RAB2A: variants seen among roughly 807,000 people sequenced by gnomAD.
RAB2A encodes the protein ras-related protein Rab-2A.
A neutral mutation model predicts 32.5 loss-of-function variants in RAB2A; 7 were observed. The ratio of observed to expected loss-of-function variants is 0.22; its 90% CI spans 0.12 to 0.40. The LOEUF is 0.40. RAB2A is among the 10% of genes least tolerant of loss of function. RAB2A has a pLI of 1.00. For synonymous variants in RAB2A, 79 were observed against 85.2 expected (o/e 0.93, Z 0.40); for missense variants, 108 against 260.7 (o/e 0.41, Z 4.03).
At chr8:60,537,316 G>A (rs902691290) in intron 1 of RAB2A, among the ~76,000 whole-genome samples, 1 of 150,830 alleles carries the variant, frequency 6.6e-6, no homozygotes, top group Non-Finnish European at 1.5e-5. Context: ...CTGCCTCCCG[G>A]GTTCAAGTGA....
intron 1 of RAB2A, among the ~76,000 whole-genome samples, chr8:60,557,435 G>A (rs1249689615): frequency 1.3e-5 from 2 of 152,138 alleles, no homozygotes; most frequent in African/African-American, 4.8e-5. Context: ...AGAATTGCTT[G>A]AACCTGGGAG....
At chr8:60,585,734 G>A (rs1235998939) in intron 5 of RAB2A, among the ~76,000 whole-genome samples, 2 of 152,150 alleles carry the variant, frequency 1.3e-5, no homozygotes, top group African/African-American at 4.8e-5. Flanking sequence ...TAATTAACAA[G>A]ATAAGGAAAC....
chr8:60,587,583 T>G (rs1563478976), intron 5 of RAB2A, among the ~76,000 whole-genome samples: 2 of 152,188 alleles, frequency 1.3e-5, no homozygotes, highest in African/African-American at 4.8e-5. Flanking sequence ...CGTGACATGG[T>G]TAATGATGAT....
chr8:60,535,961 C>A (rs1461228118), intron 1 of RAB2A, among the ~76,000 whole-genome samples: 1 of 152,172 alleles, frequency 6.6e-6, no homozygotes, highest in East Asian at 1.9e-4. Flanking sequence ...TGCTCTGATG[C>A]TAGGTAGCCA....
intron 1 of RAB2A, among the ~76,000 whole-genome samples, chr8:60,520,406 G>A (rs997516326): frequency 2.0e-5 from 3 of 152,136 alleles, no homozygotes; most frequent in African/African-American, 7.2e-5. Context: ...TATCAAGCAT[G>A]GAGAGAAAAA....
In RAB2A at chr8:60,584,508, T is replaced by C. The variant is rs975222187; in HGVS notation, c.270-215T>C. On this transcript the variant is annotated intron_variant, in intron 4 of 7. Transcript: ENST00000262646. ...CTTCAAATTGAAATCGGCCATATTATTTATTCATTGGAATTTTCTAAAGTG... is the reference window on the plus strand; with the variant it reads ...CTTCAAATTGAAATCGGCCATATTACTTATTCATTGGAATTTTCTAAAGTG... Among the ~76,000 whole-genome samples, 4 of 152,234 alleles carry C rather than the reference T, an allele frequency of 2.6e-5. No individual in the cohort carries two copies. In the East Asian group the frequency reaches 7.7e-4, roughly 29 times the overall value.
chr8:60,540,231 T>C (rs1363133079), intron 1 of RAB2A, among the ~76,000 whole-genome samples: 2 of 150,902 alleles, frequency 1.3e-5, no homozygotes, highest in African/African-American at 4.9e-5. Context: ...CAGTCATACG[T>C]AGAATAGATT....
At chr8:60,525,983 A>C (rs1807373896) in intron 1 of RAB2A, among the ~76,000 whole-genome samples, 1 of 144,406 alleles carries the variant, frequency 6.9e-6, no homozygotes, top group African/African-American at 2.5e-5. Flanking sequence ...ATATGTCTAT[A>C]TGTATATATG....
At chr8:60,594,376 A>G in intron 6 of RAB2A, among the ~76,000 whole-genome samples, 1 of 152,232 alleles carries the variant, frequency 6.6e-6, no homozygotes. Context: ...TCTTGAAAGC[A>G]GCAAAAAATA....
intron 6 of RAB2A, among the ~76,000 whole-genome samples, chr8:60,595,607 T>C (rs966997354): frequency 3.3e-5 from 5 of 152,222 alleles, no homozygotes; most frequent in Middle Eastern, 3.4e-3. Context: ...TAATATCACA[T>C]AAACTTAAGG....
intron 2 of RAB2A, among the ~76,000 whole-genome samples, chr8:60,561,355 C>T (rs191184195): frequency 3.2e-4 from 49 of 152,166 alleles, no homozygotes; most frequent in Non-Finnish European, 5.1e-4. Context: ...AAAAATTTAC[C>T]TAGATGGTTT....
chr8:60,543,751 C>T (rs756708104), intron 1 of RAB2A, among the ~76,000 whole-genome samples: 11 of 152,092 alleles, frequency 7.2e-5, no homozygotes, highest in Non-Finnish European at 1.5e-5. Flanking sequence ...ATTCCGAAAT[C>T]GTTCTATTTA....
At chr8:60,582,775 T>G (rs554467884) in intron 3 of RAB2A, among the ~76,000 whole-genome samples, 1 of 152,242 alleles carries the variant, frequency 6.6e-6, no homozygotes, top group African/African-American at 2.4e-5. Context: ...GTGTGAAAAA[T>G]CAGACCTTGG....
intron 1 of RAB2A, among the ~76,000 whole-genome samples, chr8:60,523,942 G>A (rs1351606286): frequency 1.3e-5 from 2 of 151,796 alleles, no homozygotes; most frequent in African/African-American, 2.4e-5. Context: ...CGCCTGCCTC[G>A]GCCTCCAAAT....
chr8:60,534,985 G>A (rs1291174038), intron 1 of RAB2A, among the ~76,000 whole-genome samples: 3 of 151,688 alleles, frequency 2.0e-5, no homozygotes, highest in Non-Finnish European at 2.9e-5. Context: ...TGGAGAATTT[G>A]TAGGAGAAAT....
chr8:60,555,780 A>G (rs1328847586), intron 1 of RAB2A, among the ~76,000 whole-genome samples: 1 of 152,228 alleles, frequency 6.6e-6, no homozygotes. Flanking sequence ...AGTCACTAAG[A>G]GAAACAATAT....
At chr8:60,574,477 G>A (rs935551854) in intron 3 of RAB2A, among the ~76,000 whole-genome samples, 5 of 152,190 alleles carry the variant, frequency 3.3e-5, no homozygotes, top group Admixed American at 6.6e-5. Flanking sequence ...ATCTACTAAA[G>A]TACATCGTTT....
chr8:60,609,078 C>T (rs1245401449), intron 6 of RAB2A, among the ~76,000 whole-genome samples: 2 of 152,096 alleles, frequency 1.3e-5, no homozygotes, highest in Admixed American at 1.3e-4. Flanking sequence ...CAGTGGTTCC[C>T]CACAGCTTCA....
intron 2 of RAB2A, among the ~76,000 whole-genome samples, chr8:60,562,333 C>A (rs1356897896): frequency 6.6e-6 from 1 of 152,150 alleles, no homozygotes; most frequent in Non-Finnish European, 1.5e-5. Flanking sequence ...AGGATTAGTC[C>A]TCCTAAAAAG....
Sources: allele counts gnomAD v4.1 joint callset (sites outside exome capture counted in the v4.1 genomes callset), GRCh38; gene constraint gnomAD v4.1.1; transcripts MANE v1.5; gene names NCBI Gene and HGNC (gene_info 2026-07-23, HGNC 2026-07-21).